The following NUP214 variants were observed in gnomAD, a reference collection of about 807,000 sequenced individuals.
NUP214 encodes nucleoporin 214.
In NUP214, 79 loss-of-function variants were observed where a neutral mutation model predicts 196.2. That is an observed-to-expected ratio of 0.40 (90% CI 0.34 to 0.49). NUP214 has a LOEUF of 0.49. Ranked by LOEUF, NUP214 falls within the 20% of genes least tolerant of loss-of-function variation. The probability of loss-of-function intolerance (pLI) is 0.58; values close to 1 mark genes in which losing one functional copy is unlikely to be tolerated. For missense variants in NUP214, 2,468 were observed against 2,539.0 expected (o/e 0.97, Z 0.60); for synonymous variants, 1,020 against 990.5 (o/e 1.03, Z -0.56).
At chr9:131,147,457 C>T in intron 13 of NUP214, 33 bp from the exon 14 acceptor site, 1 of 1,440,276 alleles carries the variant, frequency 6.9e-7, no homozygotes, top group Non-Finnish European at 9.6e-7. Context: ...GTAATAAATG[C>T]CATCTATTTT....
intron 23 of NUP214, among the ~76,000 whole-genome samples, chr9:131,177,151 G>C (rs1833142807): frequency 6.6e-6 from 1 of 151,416 alleles, no homozygotes; most frequent in Non-Finnish European, 1.5e-5. Context: ...TTTGATTTAG[G>C]AAAAAAGAAC....
At chr9:131,152,944 T>C (rs1435083629) in intron 17 of NUP214, among the ~76,000 whole-genome samples, 1 of 151,946 alleles carries the variant, frequency 6.6e-6, no homozygotes, top group Non-Finnish European at 1.5e-5. Flanking sequence ...CCCAGCTGAT[T>C]TTTAAATTTT....
At chr9:131,206,235 T>C (rs1190016918) in intron 30 of NUP214, among the ~76,000 whole-genome samples, 1 of 144,612 alleles carries the variant, frequency 6.9e-6, no homozygotes, top group Admixed American at 7.2e-5. Context: ...AACCTTTGCC[T>C]CCCAGGCTCA....
chr9:131,197,263 T>C lies in NUP214; in HGVS notation c.3769T>C (p.Ser1257Pro). The C allele has an allele frequency of 6.2e-7, 1 of 1,614,164 alleles. No individual in the cohort carries two copies. Among genetic ancestry groups the C allele is most frequent in the Non-Finnish European group, 8.5e-7 (1 of 1,180,014 alleles). ...KESSQPDAFSSGGGSKPSYEA... is the reference protein window; with the variant it reads ...KESSQPDAFSPGGGSKPSYEA... ...GTCAAGCCAGCCGGACGCATTCTCA[T>C]CTGGTGGGGGAAGCAAACCTTCTTA... Residue 1257 changes from serine (S) to proline (P), a missense_variant, in exon 29 of 36, where the codon TCT (serine) becomes CCT (proline). Around this residue, in one of 5 missense-constraint regions of NUP214, gnomAD observed 1,801 missense variants for 1,779.4 expected, o/e 1.01. Coordinates refer to ENST00000359428, the MANE Select transcript of NUP214 (RefSeq NM_005085.4).
At chr9:131,127,256 G>C (rs1443422547) in intron 1 of NUP214, among the ~76,000 whole-genome samples, 1 of 152,148 alleles carries the variant, frequency 6.6e-6, no homozygotes, top group Non-Finnish European at 1.5e-5. Flanking sequence ...GGTGGCGGGT[G>C]CCTGTAATCC....
chr9:131,200,570 G>C (rs1026948160), intron 29 of NUP214, among the ~76,000 whole-genome samples: 2 of 152,182 alleles, frequency 1.3e-5, no homozygotes, highest in African/African-American at 4.8e-5. Flanking sequence ...TTAGCTGGGC[G>C]TCGTGGCAGG....
chr9:131,174,332 G>GGGAAA lies in NUP214; in HGVS notation c.3157+20_3157+24dup. 6.2e-7 allele frequency: 1 copy of GGGAAA among 1,601,740 alleles called. No homozygotes were observed. The highest frequency in any genetic ancestry group is 8.5e-7 in the Non-Finnish European group (1 of 1,176,658). ...TGGGAACTTCAGGTAAGTAAACAGT[G>GGGAAA]GGAAAGGAAACTGTTTTTCCCTATG... On this transcript the variant is annotated intron_variant, in intron 22 of 35. Coordinates refer to ENST00000359428, the MANE Select transcript of NUP214 (RefSeq NM_005085.4).
intron 8 of NUP214, among the ~76,000 whole-genome samples, chr9:131,135,607 A>G (rs1831703879): frequency 6.6e-6 from 1 of 152,230 alleles, no homozygotes. Flanking sequence ...GCCCTTTGGA[A>G]TGGAGATTAC....
intron 11 of NUP214, 25 bp from the exon 12 acceptor site, chr9:131,144,255 T>C (rs1326160680): frequency 1.3e-6 from 2 of 1,562,602 alleles, no homozygotes; most frequent in East Asian, 4.5e-5. Context: ...TGTTAACATT[T>C]TCCTTCCTTT....
intron 10 of NUP214, 133 bp from the exon 11 acceptor site, chr9:131,140,416 C>A (rs1831874101): frequency 1.4e-6 from 1 of 697,800 alleles, no homozygotes; most frequent in Non-Finnish European, 2.3e-6. Context: ...GATATAAAAT[C>A]AGAACAAACT....
In NUP214 at chr9:131,169,679, G is replaced by T. The variant is rs116647369; in HGVS notation, c.2894-4376G>T. On this transcript the variant is annotated intron_variant, in intron 21 of 35. Transcript: ENST00000359428. ...GGGGTTGGCAGATTTTTCTGTAAGG[G>T]GCCAGCTGGAGAATAGTTGAGGTTT... Among the ~76,000 whole-genome samples the T allele has an allele frequency of 5.5e-3, 830 of 152,188 alleles. 7 individuals are homozygous for T. Among genetic ancestry groups the T allele is most frequent in the African/African-American group, 0.019 (807 of 41,514 alleles).
At chr9:131,212,575 A>G (rs1834275737) in intron 30 of NUP214, among the ~76,000 whole-genome samples, 1 of 152,182 alleles carries the variant, frequency 6.6e-6, no homozygotes, top group South Asian at 2.1e-4. Context: ...GTATGTTGAA[A>G]TATCGGGGGC....
At chr9:131,126,417 G>A (rs551666292) in intron 1 of NUP214, 4 of 152,392 alleles carry the variant, frequency 2.6e-5, no homozygotes, top group African/African-American at 9.6e-5. Context: ...GACAGAATGA[G>A]GGTACAACAG....
At chr9:131,229,805 G>T (rs1431039855) in intron 33 of NUP214, 4 of 512,414 alleles carry the variant, frequency 7.8e-6, no homozygotes, top group Non-Finnish European at 1.6e-5. Flanking sequence ...TATGGAAAGA[G>T]CCTTGACCTC....
intron 18 of NUP214, among the ~76,000 whole-genome samples, chr9:131,160,596 T>C (rs1025193871): frequency 6.6e-6 from 1 of 152,234 alleles, no homozygotes; most frequent in African/African-American, 2.4e-5. Context: ...ACACCTACAC[T>C]TGATTAATGA....
intron 18 of NUP214, 26 bp downstream of exon 18, chr9:131,159,512 G>A: frequency 2.0e-6 from 3 of 1,503,782 alleles, no homozygotes; most frequent in Non-Finnish European, 2.8e-6. Context: ...CATCTGCAAT[G>A]TGTTGGAATA....
At chr9:131,218,497 C>T (rs538534431) in intron 31 of NUP214, among the ~76,000 whole-genome samples, 2 of 152,238 alleles carry the variant, frequency 1.3e-5, no homozygotes, top group East Asian at 1.9e-4. Context: ...AACTGATTCT[C>T]CTGGTTCCTT....
chr9:131,221,848 C>CA (rs1834564707), intron 31 of NUP214, among the ~76,000 whole-genome samples: 1 of 151,200 alleles, frequency 6.6e-6, no homozygotes, highest in Non-Finnish European at 1.5e-5. Context: ...CAACGCCCAC[C>CA]CCCCCCAAAA....
chr9:131,185,336 A>T (rs144288314), intron 24 of NUP214, among the ~76,000 whole-genome samples: 29 of 152,352 alleles, frequency 1.9e-4, no homozygotes, highest in African/African-American at 6.5e-4. Flanking sequence ...CCGAGTTTCC[A>T]GACTCTTAGT....
Sources: gnomAD v4.1 joint callset for allele counts (sites outside exome capture counted in the v4.1 genomes callset) on GRCh38, gnomAD v4.1.1 for gene constraint, gnomAD v4.1.1 regional missense constraint, MANE v1.5 for transcripts, NCBI Gene and HGNC (gene_info 2026-07-23, HGNC 2026-07-21) for gene names.